RALGAPA2: variants seen among roughly 807,000 people sequenced by gnomAD.
RALGAPA2 encodes Ral GTPase activating protein catalytic subunit alpha 2, also known as ral GTPase-activating protein subunit alpha-2.
RALGAPA2 carries 139 observed loss-of-function variants against 230.4 expected under a neutral mutation model. The ratio of observed to expected loss-of-function variants is 0.60; its 90% confidence interval spans 0.53 to 0.69. The LOEUF (loss-of-function observed/expected upper bound fraction) is 0.69, where lower values mean the gene tolerates loss of function less well. RALGAPA2 is among the 30% of genes least tolerant of loss of function. The probability of loss-of-function intolerance (pLI) is 0.00; values close to 1 mark genes in which losing one functional copy is unlikely to be tolerated. For missense variants in RALGAPA2, 2,163 were observed against 2,276.0 expected (o/e 0.95, Z 1.01); for synonymous variants, 847 against 837.8 (o/e 1.01, Z -0.19).
At chr20:20,627,231 T>C (rs1568668821) in intron 10 of RALGAPA2, among the ~76,000 whole-genome samples, 2 of 152,170 alleles carry the variant, frequency 1.3e-5, no homozygotes, top group African/African-American at 2.4e-5. Context: ...CCTGTGTGAC[T>C]TGTCCAGTGA....
chr20:20,569,653 T>A (rs1017110386), intron 23 of RALGAPA2, among the ~76,000 whole-genome samples: 1 of 152,134 alleles, frequency 6.6e-6, no homozygotes, highest in Admixed American at 6.5e-5. Flanking sequence ...TATAAAATAA[T>A]TTTTTTCAGG....
chr20:20,576,369 T>C (rs1172073252), intron 20 of RALGAPA2, among the ~76,000 whole-genome samples: 1 of 152,144 alleles, frequency 6.6e-6, no homozygotes, highest in Admixed American at 6.5e-5. Context: ...AGCCTCCTTT[T>C]GACTGTGAGT....
At chr20:20,423,775 G>A (rs189013920) in intron 37 of RALGAPA2, among the ~76,000 whole-genome samples, 292 of 152,242 alleles carry the variant, frequency 1.9e-3, no homozygotes, top group African/African-American at 6.6e-3. Context: ...CAGGTAAAGA[G>A]GATGACTTTA....
intron 23 of RALGAPA2, among the ~76,000 whole-genome samples, chr20:20,567,735 G>A (rs1223845244): frequency 6.6e-6 from 1 of 151,704 alleles, no homozygotes; most frequent in Non-Finnish European, 1.5e-5. Flanking sequence ...GCTCACACCT[G>A]TAATCCCAGC....
chr20:20,510,439 TG>T (rs565077531), intron 33 of RALGAPA2, among the ~76,000 whole-genome samples: 166 of 152,048 alleles, frequency 1.1e-3, no homozygotes, highest in Non-Finnish European at 1.9e-3. Flanking sequence ...TGTGAAGAGT[TG>T]AAAAATAAAA....
At chr20:20,557,837 G>T (rs1466687255) in intron 23 of RALGAPA2, among the ~76,000 whole-genome samples, 1 of 151,992 alleles carries the variant, frequency 6.6e-6, no homozygotes, top group East Asian at 1.9e-4. Flanking sequence ...CACGGAGAAC[G>T]GCATCAATCA....
At chr20:20,525,254 A>C (rs1461954236) in intron 28 of RALGAPA2, among the ~76,000 whole-genome samples, 1 of 152,226 alleles carries the variant, frequency 6.6e-6, no homozygotes, top group African/African-American at 2.4e-5. Context: ...TTTTAGTTTT[A>C]TTGTAAATTA....
At chr20:20,494,354 T>C (rs16981945) in intron 36 of RALGAPA2, among the ~76,000 whole-genome samples, 1,525 of 152,348 alleles carry the variant, frequency 0.01, 20 homozygotes, top group African/African-American at 0.035. Flanking sequence ...TCTTGAGGGA[T>C]GGCTTAATAT....
intron 3 of RALGAPA2, among the ~76,000 whole-genome samples, chr20:20,665,831 A>G (rs1051229028): frequency 6.6e-6 from 1 of 152,226 alleles, no homozygotes; most frequent in Non-Finnish European, 1.5e-5. Flanking sequence ...TTATTTCCCC[A>G]GTATCCAGTA....
intron 37 of RALGAPA2, among the ~76,000 whole-genome samples, chr20:20,420,816 T>C (rs2060260982): frequency 6.6e-6 from 1 of 151,790 alleles, no homozygotes; most frequent in Non-Finnish European, 1.5e-5. Context: ...TTAAACCTAG[T>C]AAAAAAAAGA....
At chr20:20,609,495 G>GT (rs965617920) in intron 14 of RALGAPA2, among the ~76,000 whole-genome samples, 8 of 151,514 alleles carry the variant, frequency 5.3e-5, no homozygotes, top group Non-Finnish European at 8.8e-5. Flanking sequence ...CATGGGGGGA[G>GT]TTTTTTTTTC....
chr20:20,444,005 C>T (rs1043038774), intron 37 of RALGAPA2, among the ~76,000 whole-genome samples: 11 of 152,224 alleles, frequency 7.2e-5, no homozygotes, highest in Non-Finnish European at 1.3e-4. Flanking sequence ...AGTGGTTAAT[C>T]GGCACTGATG....
chr20:20,580,624 C>G (rs2064957008), intron 20 of RALGAPA2, among the ~76,000 whole-genome samples: 1 of 152,174 alleles, frequency 6.6e-6, no homozygotes, highest in African/African-American at 2.4e-5. Flanking sequence ...CTGCATGACC[C>G]CTGTTTCCAG....
intron 37 of RALGAPA2, among the ~76,000 whole-genome samples, chr20:20,441,192 C>G (rs570315009): frequency 6.6e-6 from 1 of 152,354 alleles, no homozygotes; most frequent in African/African-American, 2.4e-5. Context: ...TTCCAATTTT[C>G]TTTTGCAAGA....
intron 4 of RALGAPA2, among the ~76,000 whole-genome samples, chr20:20,653,217 AAAAAAAAAT>A (rs2067469139): frequency 6.7e-6 from 1 of 148,752 alleles, no homozygotes; most frequent in African/African-American, 2.5e-5. Context: ...AAAAAAAAAA[AAAAAAAAAT>A]ACACACTACT....
At chr20:20,691,754 C>T (rs761017499) in intron 1 of RALGAPA2, among the ~76,000 whole-genome samples, 7 of 152,192 alleles carry the variant, frequency 4.6e-5, no homozygotes, top group Non-Finnish European at 1.0e-4. Flanking sequence ...TGACATAAAA[C>T]TTCTGGATGT....
At chr20:20,627,617 C>A (rs2066529238) in intron 10 of RALGAPA2, among the ~76,000 whole-genome samples, 1 of 152,204 alleles carries the variant, frequency 6.6e-6, no homozygotes, top group African/African-American at 2.4e-5. Context: ...ACAGACATCT[C>A]ACTCTCATGT....
At chr20:20,496,410 T>C (rs2062206071) in intron 35 of RALGAPA2, among the ~76,000 whole-genome samples, 1 of 152,182 alleles carries the variant, frequency 6.6e-6, no homozygotes, top group African/African-American at 2.4e-5. Flanking sequence ...AACTAGATTA[T>C]GAAGATTAAA....
At chr20:20,640,915 T>C (rs765873933) in intron 5 of RALGAPA2, 37 bp from the exon 6 acceptor site, 3 of 1,530,374 alleles carry the variant, frequency 2.0e-6, no homozygotes, top group Admixed American at 1.8e-5. Context: ...ATGAAACACA[T>C]GTATTTACAG....
Sources: gnomAD v4.1 joint callset for allele counts (sites outside exome capture counted in the v4.1 genomes callset) on GRCh38, gnomAD v4.1.1 for gene constraint, MANE v1.5 for transcripts, NCBI Gene and HGNC (gene_info 2026-07-23, HGNC 2026-07-21) for gene names.